The following AASDHPPT variants were observed in gnomAD, a reference collection of about 807,000 sequenced individuals.
AASDHPPT encodes the protein aminoadipate-semialdehyde dehydrogenase-phosphopantetheinyl transferase, also known as L-aminoadipate-semialdehyde dehydrogenase-phosphopantetheinyl transferase.
A neutral mutation model predicts 36.4 loss-of-function variants in AASDHPPT; 23 were observed. The ratio of observed to expected loss-of-function variants is 0.63; its 90% CI spans 0.45 to 0.89. The LOEUF (loss-of-function observed/expected upper bound fraction) is 0.89. AASDHPPT is among the 40% of genes least tolerant of loss of function. The probability of loss-of-function intolerance (pLI) is 0.00; values close to 1 mark genes in which losing one functional copy is unlikely to be tolerated. For missense variants in AASDHPPT, 377 were observed against 378.2 expected (o/e 1.00, Z 0.03); for synonymous variants, 115 against 128.0 (o/e 0.90, Z 0.68).
Position 106,079,548 on chromosome 11 carries a change from A to C in AASDHPPT, c.265A>C (p.Lys89Gln). Reference sequence around the variant, plus strand: ...TCATATTCGTTTGCAAAGAACTGCAAAAGGAAAACCAGTTCTTGCAAAGGA... The same window carrying C: ...TCATATTCGTTTGCAAAGAACTGCACAAGGAAAACCAGTTCTTGCAAAGGA... ...WNHIRLQRTA[K>Q]GKPVLAKDSS... is the part of the protein sequence containing the mutation. Residue 89 changes from lysine (K) to glutamine (Q), a missense_variant, in exon 2 of 6, where the codon AAA becomes CAA. Coordinates refer to ENST00000278618, the MANE Select transcript of AASDHPPT (RefSeq NM_015423.3). The C allele has an allele frequency of 6.2e-7, 1 of 1,614,204 alleles. No homozygotes were observed. The highest frequency in any genetic ancestry group is 8.5e-7 in the Non-Finnish European group (1 of 1,180,028).
Position 106,077,948 on chromosome 11 carries a change from C to T in AASDHPPT, c.183+55C>T, listed in dbSNP as rs977005686. 3.4e-5 allele frequency: 53 copies of T among 1,566,478 alleles called. No individual in the cohort carries two copies. In the African/African-American group the frequency reaches 6.2e-4, roughly 18 times the overall value. On this transcript the variant is annotated intron_variant, in intron 1 of 5. Coordinates refer to ENST00000278618, the MANE Select transcript of AASDHPPT (RefSeq NM_015423.3). Reference sequence around the variant, plus strand: ...CCTAGGAAGCAGATCTTGGGGGAGGCGGGCCGGGCTGTGGAGACCCGACAC... The same window carrying T: ...CCTAGGAAGCAGATCTTGGGGGAGGTGGGCCGGGCTGTGGAGACCCGACAC...
At chr11:106,096,529 A>C in intron 5 of AASDHPPT, 1 of 377,906 alleles carries the variant, frequency 2.6e-6, no homozygotes, top group Non-Finnish European at 4.6e-6. Context: ...TGTTATATAA[A>C]AAAGTTCAAG....
At position 106,094,569 on chromosome 11, in the gene AASDHPPT, C is replaced by T. The variant is rs745749381; in HGVS notation, c.694-14C>T. The T allele has an allele frequency of 1.9e-6, 3 of 1,578,928 alleles. No homozygotes were observed. The highest frequency in any genetic ancestry group is 1.7e-6 in the Non-Finnish European group (2 of 1,162,434). ...TATTTTATAATCTATATTTATTTAC[C>T]TTTTATCTTTCAGGAAAGCAAAATA... On this transcript the variant is annotated splice_polypyrimidine_tract_variant and intron_variant, in intron 4 of 5. Coordinates refer to ENST00000278618, the MANE Select transcript of AASDHPPT (RefSeq NM_015423.3).
chr11:106,091,209 G>A (rs1337691323), intron 3 of AASDHPPT, 107 bp from the exon 4 acceptor site: 3 of 908,050 alleles, frequency 3.3e-6, no homozygotes, highest in East Asian at 2.6e-5. Context: ...TAGCTATATA[G>A]CCATAATGTA....
intron 2 of AASDHPPT, among the ~76,000 whole-genome samples, chr11:106,081,135 A>G (rs1327011002): frequency 6.6e-6 from 1 of 152,186 alleles, no homozygotes; most frequent in Non-Finnish European, 1.5e-5. Flanking sequence ...TATTTGTCAA[A>G]TGAATGAATA....
intron 4 of AASDHPPT, chr11:106,093,518 T>A (rs536668867): frequency 6.6e-6 from 1 of 152,350 alleles, no homozygotes; most frequent in South Asian, 2.1e-4. Context: ...CTTAGTCTTA[T>A]ATTTTTCCTC....
rs377357212 is a variant in AASDHPPT at position 106,077,667 on chromosome 11, C to A, written c.-44C>A. 15 of 1,590,318 alleles carry A rather than the reference C, an allele frequency of 9.4e-6. No homozygotes were observed. The highest frequency in any genetic ancestry group is 3.4e-5 in the South Asian group (3 of 89,200). ...AAGGGGGTGGGGCCACGTTTGCGTC[C>A]GCGCCATCAGGCCCGAGATAGCGGC... On this transcript the variant is annotated 5_prime_UTR_variant, in exon 1 of 6. Coordinates refer to ENST00000278618, the MANE Select transcript of AASDHPPT (RefSeq NM_015423.3).
intron 2 of AASDHPPT, among the ~76,000 whole-genome samples, chr11:106,086,939 C>G (rs887201305): frequency 2.6e-5 from 4 of 152,232 alleles, no homozygotes; most frequent in African/African-American, 4.8e-5. Flanking sequence ...GCTTCATGCT[C>G]TGTCCTCTTG....
At chr11:106,095,504 G>T (rs1296629968) in intron 5 of AASDHPPT, among the ~76,000 whole-genome samples, 1 of 152,090 alleles carries the variant, frequency 6.6e-6, no homozygotes, top group Non-Finnish European at 1.5e-5. Context: ...GTAAGCAAGT[G>T]GGGGAAGAAC....
intron 4 of AASDHPPT, 112 bp downstream of exon 4, chr11:106,091,589 C>T (rs941643991): frequency 1.9e-6 from 2 of 1,042,420 alleles, no homozygotes; most frequent in African/African-American, 3.4e-5. Context: ...GAATCCAGTC[C>T]TGCTGCTCTG....
intron 5 of AASDHPPT, chr11:106,096,526 T>C (rs1861315617): frequency 2.7e-6 from 1 of 371,054 alleles, no homozygotes; most frequent in African/African-American, 2.1e-5. Context: ...TTTTGTTATA[T>C]AAAAAAGTTC....
intron 2 of AASDHPPT, among the ~76,000 whole-genome samples, chr11:106,088,433 A>G (rs1337897675): frequency 1.3e-5 from 2 of 152,116 alleles, no homozygotes; most frequent in East Asian, 3.8e-4. Context: ...GTTTCACTCA[A>G]AATATATAAT....
chr11:106,090,506 T>C, intron 2 of AASDHPPT, 51 bp from the exon 3 acceptor site: 1 of 1,476,050 alleles, frequency 6.8e-7, no homozygotes, highest in Non-Finnish European at 9.1e-7. Flanking sequence ...TAGAGCAACT[T>C]TTTATTTTTT....
At chr11:106,088,919 A>G (rs917588144) in intron 2 of AASDHPPT, among the ~76,000 whole-genome samples, 4 of 152,020 alleles carry the variant, frequency 2.6e-5, no homozygotes, top group Admixed American at 6.6e-5. Flanking sequence ...CTAAGAGGAG[A>G]CTATTTTGAC....
In AASDHPPT at chr11:106,091,386, A is replaced by G. The variant is rs1430063397; in HGVS notation, c.602A>G (p.Asp201Gly). Residue 201 changes from aspartate (D) to glycine (G), a missense_variant, in exon 4 of 6, where the codon GAT (aspartate) becomes GGT (glycine). Transcript: ENST00000278618. ...TTTGAATTGCAGCGGCTTGAATTTGATCTATCTCCATTAAACTTGGATATA... is the reference window on the plus strand; with the variant it reads ...TTTGAATTGCAGCGGCTTGAATTTGGTCTATCTCCATTAAACTTGGATATA... The part of the protein sequence containing the change: ...LGFELQRLEF[D>G]LSPLNLDIGQ... 1.9e-6 allele frequency: 3 copies of G among 1,610,348 alleles called. No individual in the cohort carries two copies. The Admixed American group carries it at 5.0e-5, about 27-fold the overall frequency.
intron 2 of AASDHPPT, among the ~76,000 whole-genome samples, chr11:106,081,279 C>T (rs1565410063): frequency 6.6e-6 from 1 of 152,206 alleles, no homozygotes; most frequent in Non-Finnish European, 1.5e-5. Flanking sequence ...TCCAGTACAA[C>T]TCTATTCTCA....
In AASDHPPT at chr11:106,078,494, ATGGAAAAC is replaced by A. The variant is rs1467444357; in HGVS notation, c.183+606_183+613del. Among the ~76,000 whole-genome samples the A allele has an allele frequency of 2.6e-5, 4 of 152,346 alleles. No homozygotes were observed. The South Asian group carries it at 8.3e-4, about 32-fold the overall frequency. The stretch of plus-strand genomic sequence containing the variant: ...TTAGCTATGTATTTTGAAGCAACAA[ATGGAAAAC>A]TGGATTTCAAAACAAGTAATCTGTA... On this transcript the variant is annotated intron_variant, in intron 1 of 5. Coordinates refer to ENST00000278618, the MANE Select transcript of AASDHPPT (RefSeq NM_015423.3).
intron 1 of AASDHPPT, among the ~76,000 whole-genome samples, 174 bp downstream of exon 1, chr11:106,078,067 G>A (rs1449255610): frequency 6.6e-6 from 1 of 152,194 alleles, no homozygotes; most frequent in Non-Finnish European, 1.5e-5. Flanking sequence ...CGCACGGCCT[G>A]GTTTCCACGG....
chr11:106,081,559 A>G (rs1043146655), intron 2 of AASDHPPT, among the ~76,000 whole-genome samples: 4 of 152,218 alleles, frequency 2.6e-5, no homozygotes, highest in Admixed American at 6.5e-5. Context: ...CTGTCATTAC[A>G]GGAACTTTTT....
Sources: allele counts gnomAD v4.1 joint callset (sites outside exome capture counted in the v4.1 genomes callset), GRCh38; gene constraint gnomAD v4.1.1; transcripts MANE v1.5; gene names NCBI Gene and HGNC (gene_info 2026-07-23, HGNC 2026-07-21).